GALR1: variants seen among roughly 807,000 people sequenced by gnomAD.
GALR1 encodes galanin receptor 1.
Under a neutral mutation model 17.9 loss-of-function variants are expected in GALR1, and 11 were observed. That is an observed-to-expected ratio of 0.62 (90% CI 0.39 to 1.02). The LOEUF is 1.02. Among genes scored for constraint, GALR1 ranks in the 50% least tolerant of loss-of-function variants. The pLI is 0.01. For synonymous variants in GALR1, 206 were observed against 205.7 expected (o/e 1.00, Z -0.01); for missense variants, 441 against 456.9 (o/e 0.97, Z 0.32).
rs5375 is a variant in GALR1 at position 77,250,854 on chromosome 18, G to T, written c.306G>T (p.Val102=). 0.033 allele frequency: 53,121 copies of T among 1,612,684 alleles called. 1,303 individuals carry two copies. Among genetic ancestry groups the T allele is most frequent in the African/African-American group, 0.12 (9,044 of 75,034 alleles). Residue 102 remains valine (V), a synonymous_variant, in exon 1 of 3, where the codon GTG becomes GTT. Transcript: ENST00000299727. ...CCGTGTACGCGCTGCCCACCTGGGT[G>T]CTGGGCGCCTTCATCTGCAAGTTCA... is the stretch of plus-strand genomic sequence containing the variant. ...QATVYALPTW[V]LGAFICKFIH... is the part of the protein sequence containing the mutation.
intron 2 of GALR1, among the ~76,000 whole-genome samples, chr18:77,259,539 G>GT (rs1912778045): frequency 7.1e-6 from 1 of 141,524 alleles, no homozygotes; most frequent in Admixed American, 6.9e-5. Context: ...GTGGTCATAG[G>GT]GGTGGTGGTG....
chr18:77,250,444 G>T lies in GALR1; in HGVS notation c.-105G>T, dbSNP rs533177283. 5.3e-5 allele frequency: 64 copies of T among 1,207,950 alleles called. No homozygotes were observed. Among genetic ancestry groups the T allele is most frequent in the Non-Finnish European group, 6.5e-5 (60 of 916,440 alleles). 74.8% of individuals were successfully genotyped at this position (1,207,950 alleles called of 1,614,324 possible). A position where few individuals can be genotyped will look rare whatever the true frequency, so the allele number is the denominator to read the frequency against. ...GGGGGAAGCTCAGACTCCTAAACTCGCACTCTCCGTGCTTTGCGCCGGGAC... is the reference window on the plus strand; with the variant it reads ...GGGGGAAGCTCAGACTCCTAAACTCTCACTCTCCGTGCTTTGCGCCGGGAC... On this transcript the variant is annotated 5_prime_UTR_variant, in exon 1 of 3. Coordinates refer to ENST00000299727, the MANE Select transcript of GALR1 (RefSeq NM_001480.4).
chr18:77,259,594 G>A (rs954427443), intron 2 of GALR1, among the ~76,000 whole-genome samples: 15 of 151,462 alleles, frequency 9.9e-5, no homozygotes, highest in South Asian at 2.1e-4. Flanking sequence ...TGATGGTGGC[G>A]ATTGTGATGG....
Position 77,268,739 on chromosome 18 carries a change from C to A in GALR1, c.887C>A (p.Ser296Tyr). 6.2e-7 allele frequency: 1 copy of A among 1,614,192 alleles called. No individual in the cohort carries two copies. Among genetic ancestry groups the A allele is most frequent in the Non-Finnish European group, 8.5e-7 (1 of 1,180,042 alleles). The stretch of plus-strand genomic sequence containing the variant: ...GCCCACTGCCTGGCGTACAGCAATT[C>A]CTCCGTGAATCCTATCATTTATGCA... The part of the protein sequence containing the change: ...ITAHCLAYSN[S>Y]SVNPIIYAFL... Residue 296 changes from serine to tyrosine, a missense_variant, in exon 3 of 3, where the codon TCC (serine) becomes TAC (tyrosine). Transcript: ENST00000299727.
rs2144972800 is a variant in GALR1, at chr18:77,274,252, GC to G, written c.*5351del. 6.6e-6 allele frequency: 1 copy of G among 152,144 alleles called. No homozygotes were observed. The highest frequency in any genetic ancestry group is 2.1e-4 in the South Asian group (1 of 4,810). 9.4% of individuals were successfully genotyped at this position (152,144 alleles called of 1,614,324 possible). A position where few individuals can be genotyped will look rare whatever the true frequency, so the allele number is the denominator to read the frequency against. On this transcript the variant is annotated 3_prime_UTR_variant, in exon 3 of 3. Coordinates refer to ENST00000299727, the MANE Select transcript of GALR1 (RefSeq NM_001480.4). ...GGAGAAAAATGCAGATGGTCCTGTG[GC>G]TGGTGTGAATGAAGAATGACCTGGG...
chr18:77,251,102 C>T lies in GALR1; in HGVS notation c.554C>T (p.Thr185Ile). 1 of 1,612,466 alleles carries T rather than the reference C, an allele frequency of 6.2e-7. No homozygotes were observed. The highest frequency in any genetic ancestry group is 8.5e-7 in the Non-Finnish European group (1 of 1,179,938). ...TTCCACCCGCGCGCCAGCAACCAGA[C>T]CTTCTGCTGGGAGCAGTGGCCCGAC... is the stretch of plus-strand genomic sequence containing the variant. ...GLFHPRASNQ[T>I]FCWEQWPDPR... is the part of the protein sequence containing the mutation. Residue 185 changes from threonine to isoleucine, a missense_variant, in exon 1 of 3, where the codon ACC becomes ATC. Physicochemically the swap from Thr to Ile is moderately conservative, Grantham distance 89. Transcript: ENST00000299727.
chr18:77,261,175 A>G (rs1345131736), intron 2 of GALR1, among the ~76,000 whole-genome samples: 1 of 152,138 alleles, frequency 6.6e-6, no homozygotes, highest in Non-Finnish European at 1.5e-5. Context: ...TACTTTCAGC[A>G]GAAGGAGCAC....
Position 77,271,790 on chromosome 18 carries a change from G to A in GALR1, c.*2888G>A, listed in dbSNP as rs1255784799. 3 of 152,192 alleles carry A rather than the reference G, an allele frequency of 2.0e-5. No homozygotes were observed. The highest frequency in any genetic ancestry group is 2.9e-5 in the Non-Finnish European group (2 of 68,022). 9.4% of individuals were successfully genotyped at this position (152,192 alleles called of 1,614,324 possible). On this transcript the variant is annotated 3_prime_UTR_variant, in exon 3 of 3. Transcript: ENST00000299727. ...ATTTTCCTAGGCTTTTTGCTTTCAC[G>A]TAAGGAGACAGGCTTTGGGATATTT...
Position 77,273,592 on chromosome 18 carries a change from A to T in GALR1, c.*4690A>T, listed in dbSNP as rs1913102634. ...GGAGGTTGCAATGAGCCTAGATTGCACCATTGCACTCCAGCCTGGGCAACA... is the reference window on the plus strand; with the variant it reads ...GGAGGTTGCAATGAGCCTAGATTGCTCCATTGCACTCCAGCCTGGGCAACA... On this transcript the variant is annotated 3_prime_UTR_variant, in exon 3 of 3. Coordinates refer to ENST00000299727, the MANE Select transcript of GALR1 (RefSeq NM_001480.4). 1 of 151,882 alleles carries T rather than the reference A, an allele frequency of 6.6e-6. No homozygotes were observed. Among genetic ancestry groups the T allele is most frequent in the Non-Finnish European group, 1.5e-5 (1 of 67,988 alleles). 9.4% of individuals were successfully genotyped at this position (151,882 alleles called of 1,614,324 possible).
intron 2 of GALR1, 106 bp downstream of exon 2, chr18:77,256,329 C>A: frequency 1.5e-6 from 1 of 660,486 alleles, no homozygotes; most frequent in Non-Finnish European, 2.6e-6. Context: ...CATTTAGGAC[C>A]CTTGGTGTGG....
chr18:77,264,515 T>C (rs1038962862), intron 2 of GALR1, among the ~76,000 whole-genome samples: 2 of 152,178 alleles, frequency 1.3e-5, no homozygotes, highest in Non-Finnish European at 2.9e-5. Context: ...ATCACATCTG[T>C]ATGCTGTGAT....
Position 77,250,871 on chromosome 18 carries a change from G to T in GALR1, c.323G>T (p.Cys108Phe). The part of the protein sequence containing the change: ...LPTWVLGAFI[C>F]KFIHYFFTVS... ...ACCTGGGTGCTGGGCGCCTTCATCTGCAAGTTCATCCACTACTTCTTCACC... is the reference window on the plus strand; with the variant it reads ...ACCTGGGTGCTGGGCGCCTTCATCTTCAAGTTCATCCACTACTTCTTCACC... The change falls in exon 1 of 3, where the codon TGC becomes TTC. Residue 108 changes from cysteine (C) to phenylalanine (F), a missense_variant. Coordinates refer to ENST00000299727, the MANE Select transcript of GALR1 (RefSeq NM_001480.4). The T allele has an allele frequency of 6.2e-7, 1 of 1,611,064 alleles. No individual in the cohort carries two copies. The highest frequency in any genetic ancestry group is 8.5e-7 in the Non-Finnish European group (1 of 1,180,006).
rs535344590 is a variant in GALR1 at position 77,272,691 on chromosome 18, G to C, written c.*3789G>C. ...ATTCTTCTTGACCATTAAAAATGTT[G>C]CATGTAAGGCTATTTCTCAAGTAGA... On this transcript the variant is annotated 3_prime_UTR_variant, in exon 3 of 3. Transcript: ENST00000299727. 6 of 152,216 alleles carry C rather than the reference G, an allele frequency of 3.9e-5. 1 individual carries two copies. In the South Asian group the frequency reaches 1.2e-3, roughly 32 times the overall value. 9.4% of individuals were successfully genotyped at this position (152,216 alleles called of 1,614,324 possible).
At chr18:77,268,542 G>GCCT (rs71876994) in intron 2 of GALR1, 43 bp from the exon 3 acceptor site, 109,191 of 1,328,212 alleles carry the variant, frequency 0.082, 5,071 homozygotes, top group East Asian at 0.22. Flanking sequence ...CTCCCTTACC[G>GCCT]CCTCCTCCTC....
chr18:77,256,181 G>A lies in GALR1; in HGVS notation c.690G>A (p.Lys230=). The part of the protein sequence containing the change: ...YAKVLNHLHK[K]LKNMSKKSEA... ...AGGTCCTTAATCACTTGCATAAAAAGTTGAAGAACATGTCAAAGAAGTCTG... is the reference window on the plus strand; with the variant it reads ...AGGTCCTTAATCACTTGCATAAAAAATTGAAGAACATGTCAAAGAAGTCTG... The change falls in exon 2 of 3, where the codon AAG becomes AAA. Residue 230 remains lysine (K), a synonymous_variant. Coordinates refer to ENST00000299727, the MANE Select transcript of GALR1 (RefSeq NM_001480.4). 2.5e-6 allele frequency: 4 copies of A among 1,604,570 alleles called. No individual in the cohort carries two copies. Among genetic ancestry groups the A allele is most frequent in the Non-Finnish European group, 3.4e-6 (4 of 1,171,458 alleles).
At chr18:77,260,398 G>T (rs1371000221) in intron 2 of GALR1, among the ~76,000 whole-genome samples, 3 of 152,170 alleles carry the variant, frequency 2.0e-5, no homozygotes, top group Non-Finnish European at 4.4e-5. Flanking sequence ...TGTCCTCATA[G>T]GGTGGGAGGT....
intron 2 of GALR1, among the ~76,000 whole-genome samples, chr18:77,263,346 AC>A (rs1912874674): frequency 1.3e-5 from 2 of 152,120 alleles, no homozygotes; most frequent in Non-Finnish European, 2.9e-5. Context: ...GTAAGCTTGT[AC>A]CCTGTAAAAC....
intron 2 of GALR1, among the ~76,000 whole-genome samples, chr18:77,263,907 C>T (rs926714546): frequency 7.9e-5 from 12 of 151,918 alleles, no homozygotes; most frequent in African/African-American, 2.2e-4. Context: ...GAGGCTGAGG[C>T]GGACAGATCA....
chr18:77,257,846 T>C (rs1162772203), intron 2 of GALR1, among the ~76,000 whole-genome samples: 1 of 152,182 alleles, frequency 6.6e-6, no homozygotes, highest in East Asian at 1.9e-4. Context: ...AGAGATTAAT[T>C]TCCCTTGGGA....
Sources: allele counts gnomAD v4.1 joint callset (sites outside exome capture counted in the v4.1 genomes callset), GRCh38; gene constraint gnomAD v4.1.1; transcripts MANE v1.5; gene names NCBI Gene and HGNC (gene_info 2026-07-23, HGNC 2026-07-21).